NPIPB2: variants seen among roughly 807,000 people sequenced by gnomAD.
NPIPB2 encodes the protein nuclear pore complex-interacting protein family member B2.
NPIPB2 carries 27 observed loss-of-function variants against 30.8 expected under a neutral mutation model. That is an observed-to-expected ratio of 0.88 (90% CI 0.65 to 1.21). The LOEUF is 1.21. Among genes scored for constraint, NPIPB2 ranks in the 50% most tolerant of loss-of-function variants. The probability of loss-of-function intolerance (pLI) is 0.00; values close to 1 mark genes in which losing one functional copy is unlikely to be tolerated. For missense variants in NPIPB2, 440 were observed against 446.2 expected, an observed-to-expected ratio of 0.99 and a Z score of 0.13; for synonymous variants, 147 against 162.0, an observed-to-expected ratio of 0.91 and a Z score of 0.70.
At chr16:11,959,962 G>C (rs2055141794) in intron 1 of NPIPB2, among the ~76,000 whole-genome samples, 1 of 152,180 alleles carries the variant, frequency 6.6e-6, no homozygotes, top group South Asian at 2.1e-4. Context: ...TATTTGTAGA[G>C]ATAGGGTTTC....
chr16:11,962,820 G>A (rs567743393), intron 1 of NPIPB2, among the ~76,000 whole-genome samples: 7 of 152,046 alleles, frequency 4.6e-5, no homozygotes, highest in Non-Finnish European at 8.8e-5. Flanking sequence ...TGTAATCTCA[G>A]CACTTTGGGA....
chr16:11,968,802 T>G (rs2055216373), intron 1 of NPIPB2: 1 of 152,112 alleles, frequency 6.6e-6, no homozygotes, highest in African/African-American at 2.4e-5. Context: ...ACTAGAGACC[T>G]CTAAACGCTT....
chr16:11,971,566 C>G (rs974040203), intron 1 of NPIPB2, among the ~76,000 whole-genome samples: 3 of 152,096 alleles, frequency 2.0e-5, no homozygotes, highest in African/African-American at 7.2e-5. Flanking sequence ...GCAACCTTGG[C>G]TCACTGCAAC....
At chr16:11,952,829 G>T (rs760254064) in intron 1 of NPIPB2, among the ~76,000 whole-genome samples, 23 of 152,118 alleles carry the variant, frequency 1.5e-4, no homozygotes, top group Admixed American at 5.9e-4. Context: ...GCCTCCCAAA[G>T]TGCTGGGATT....
chr16:11,964,092 A>T (rs1321341663), intron 1 of NPIPB2: 1 of 152,046 alleles, frequency 6.6e-6, no homozygotes, highest in Non-Finnish European at 1.5e-5. Flanking sequence ...AATGCACTAT[A>T]TAAATGTATC....
chr16:11,948,857 G>T (rs886959022), intron 1 of NPIPB2, among the ~76,000 whole-genome samples: 1 of 150,468 alleles, frequency 6.6e-6, no homozygotes, highest in Non-Finnish European at 1.5e-5. Context: ...GCAGTGATTT[G>T]TTGGGTGTGG....
chr16:11,938,223 T>C (rs1373299226), intron 1 of NPIPB2, among the ~76,000 whole-genome samples: 1 of 152,246 alleles, frequency 6.6e-6, no homozygotes, highest in African/African-American at 2.4e-5. Context: ...TTCACCATGT[T>C]GGCCAGTCTG....
intron 1 of NPIPB2, among the ~76,000 whole-genome samples, chr16:11,970,693 G>A (rs1317247249): frequency 2.6e-5 from 4 of 151,700 alleles, no homozygotes; most frequent in Non-Finnish European, 4.4e-5. Flanking sequence ...CTGCCACCAC[G>A]CCTGGCTAAT....
At chr16:11,935,552 G>T (rs2054854304) in intron 2 of NPIPB2, among the ~76,000 whole-genome samples, 1 of 152,124 alleles carries the variant, frequency 6.6e-6, no homozygotes, top group South Asian at 2.1e-4. Flanking sequence ...GACCTCAGAT[G>T]ATCCATCTGC....
chr16:11,974,988 T>A (rs950845014), intron 1 of NPIPB2, among the ~76,000 whole-genome samples: 73 of 150,652 alleles, frequency 4.8e-4, no homozygotes, highest in African/African-American at 1.7e-3. Flanking sequence ...GGCAGGAGAA[T>A]CACTTGAACC....
chr16:11,953,122 A>C (rs1368117325), intron 1 of NPIPB2, among the ~76,000 whole-genome samples: 2 of 152,006 alleles, frequency 1.3e-5, no homozygotes, highest in African/African-American at 4.8e-5. Context: ...GGAGGACTTC[A>C]GTGCTGCATT....
chr16:11,958,298 G>C (rs937747533), intron 1 of NPIPB2, among the ~76,000 whole-genome samples: 1 of 151,836 alleles, frequency 6.6e-6, no homozygotes, highest in African/African-American at 2.4e-5. Flanking sequence ...TGGTGGGTGG[G>C]TGCCTGTAAT....
At chr16:11,963,197 C>T (rs190934277) in intron 1 of NPIPB2, among the ~76,000 whole-genome samples, 72 of 152,174 alleles carry the variant, frequency 4.7e-4, no homozygotes, top group African/African-American at 1.6e-3. Context: ...CTGACCAACA[C>T]GGTGAAACCC....
At chr16:11,973,959 T>C (rs1354600934) in intron 1 of NPIPB2, among the ~76,000 whole-genome samples, 1 of 152,196 alleles carries the variant, frequency 6.6e-6, no homozygotes, top group Non-Finnish European at 1.5e-5. Flanking sequence ...CTTTGGAATT[T>C]GAATGATTCT....
intron 1 of NPIPB2, among the ~76,000 whole-genome samples, chr16:11,941,000 T>C (rs1230232106): frequency 1.4e-5 from 2 of 146,546 alleles, no homozygotes; most frequent in Non-Finnish European, 3.0e-5. Context: ...TTTGTAGAGA[T>C]GGGGTTTCGC....
At chr16:11,961,225 G>C (rs1567477360) in intron 1 of NPIPB2, among the ~76,000 whole-genome samples, 1 of 152,048 alleles carries the variant, frequency 6.6e-6, no homozygotes, top group African/African-American at 2.4e-5. Context: ...TCCTTTGCCT[G>C]TCTTCCAAAG....
At chr16:11,950,905 G>C (rs188212705) in intron 1 of NPIPB2, among the ~76,000 whole-genome samples, 5 of 152,218 alleles carry the variant, frequency 3.3e-5, no homozygotes, top group Middle Eastern at 6.8e-3. Flanking sequence ...AGAGAAGTAA[G>C]ACATTGGATG....
rs1286673504 is a variant in NPIPB2 at position 11,955,553 on chromosome 16, CA to C, written c.-583-13440del. 2.0e-5 allele frequency among the ~76,000 whole-genome samples: 3 copies of C among 150,736 alleles called. No homozygotes were observed. The East Asian group carries it at 5.8e-4, about 29-fold the overall frequency. ...TGAAACCCTGTCTCTACTAAAAATA[CA>C]AAAAAACCTAAAAATAGCCAGGCAT... On this transcript the variant is annotated intron_variant, in intron 1 of 5. Coordinates refer to the NPIPB2 transcript ENST00000538896.
At chr16:11,966,077 C>G in intron 1 of NPIPB2, 1 of 1,105,710 alleles carries the variant, frequency 9.0e-7, no homozygotes, top group Admixed American at 2.8e-5. Flanking sequence ...CGCCACTGCA[C>G]TCTAGCCTGG....
Sources: allele counts gnomAD v4.1 joint callset (sites outside exome capture counted in the v4.1 genomes callset), GRCh38; gene constraint gnomAD v4.1.1; transcripts MANE v1.5; gene names NCBI Gene and HGNC (gene_info 2026-07-23, HGNC 2026-07-21).